The following CCSER1 variants were observed in gnomAD, a reference collection of about 807,000 sequenced individuals.
The protein encoded by CCSER1 is serine-rich coiled-coil domain-containing protein 1.
A neutral mutation model predicts 82.0 loss-of-function variants in CCSER1; 41 were observed. The ratio of observed to expected loss-of-function variants is 0.50; its 90% confidence interval spans 0.39 to 0.65. CCSER1 has a LOEUF of 0.65. Among genes scored for constraint, CCSER1 ranks in the 30% least tolerant of loss-of-function variants. The pLI is 0.00. For missense variants in CCSER1, 1,119 were observed against 1,064.2 expected (o/e 1.05, Z -0.72); for synonymous variants, 414 against 383.9 (o/e 1.08, Z -0.92).
chr4:90,210,154 TAA>T (rs1039999888), intron 1 of CCSER1, among the ~76,000 whole-genome samples: 31 of 152,308 alleles, frequency 2.0e-4, no homozygotes, highest in African/African-American at 7.2e-4. Flanking sequence ...GGTCTTTTGT[TAA>T]AAAGAAGGAA....
intron 1 of CCSER1, among the ~76,000 whole-genome samples, chr4:90,224,937 G>C (rs1196412974): frequency 6.6e-6 from 1 of 152,114 alleles, no homozygotes; most frequent in Non-Finnish European, 1.5e-5. Context: ...CAGTGGTTTA[G>C]TGTGCAGGCC....
At chr4:90,866,593 A>G (rs1561273272) in intron 8 of CCSER1, among the ~76,000 whole-genome samples, 1 of 152,098 alleles carries the variant, frequency 6.6e-6, no homozygotes, top group South Asian at 2.1e-4. Context: ...AATCCATAAC[A>G]TAAGAAATTT....
intron 10 of CCSER1, among the ~76,000 whole-genome samples, chr4:91,223,711 A>G (rs967239839): frequency 5.3e-5 from 8 of 152,218 alleles, no homozygotes; most frequent in Middle Eastern, 6.8e-3. Context: ...GAGACACATA[A>G]TGGATTTATT....
chr4:91,595,591 G>C (rs1764526540), intron 10 of CCSER1, among the ~76,000 whole-genome samples: 1 of 151,976 alleles, frequency 6.6e-6, no homozygotes, highest in Non-Finnish European at 1.5e-5. Flanking sequence ...AATCAAGGAG[G>C]TCATTAAATA....
intron 3 of CCSER1, among the ~76,000 whole-genome samples, chr4:90,322,832 C>A (rs1478868853): frequency 5.3e-5 from 8 of 152,148 alleles, no homozygotes; most frequent in Admixed American, 5.2e-4. Flanking sequence ...AATGTAAGTA[C>A]TTCCATTGCC....
chr4:90,661,309 T>C (rs1730731251), intron 6 of CCSER1, among the ~76,000 whole-genome samples: 1 of 152,208 alleles, frequency 6.6e-6, no homozygotes, highest in Non-Finnish European at 1.5e-5. Context: ...TGACCTTTAT[T>C]CGTTATCATA....
At chr4:90,918,315 A>G in intron 8 of CCSER1, 1 of 450,638 alleles carries the variant, frequency 2.2e-6, no homozygotes. Context: ...AAATTTCATC[A>G]ACTTTTATGT....
intron 8 of CCSER1, among the ~76,000 whole-genome samples, chr4:90,840,409 A>T (rs1366704846): frequency 1.3e-5 from 2 of 152,194 alleles, no homozygotes; most frequent in African/African-American, 4.8e-5. Flanking sequence ...CTATTTATGA[A>T]GTGCTGTGTG....
chr4:90,973,387 A>G (rs1393073574), intron 9 of CCSER1, among the ~76,000 whole-genome samples: 3 of 151,708 alleles, frequency 2.0e-5, no homozygotes, highest in African/African-American at 7.3e-5. Flanking sequence ...AAGATGTATG[A>G]AAGGCCAACT....
intron 1 of CCSER1, among the ~76,000 whole-genome samples, chr4:90,179,043 A>G (rs974548846): frequency 2.6e-5 from 4 of 152,128 alleles, no homozygotes; most frequent in Admixed American, 2.0e-4. Context: ...TGGTTTCTGG[A>G]GATCATCAGA....
At chr4:90,403,516 AAAAAG>A (rs1466854888) in intron 4 of CCSER1, among the ~76,000 whole-genome samples, 25 of 150,036 alleles carry the variant, frequency 1.7e-4, no homozygotes, top group African/African-American at 4.4e-4. Flanking sequence ...AAAAAAAAAA[AAAAAG>A]AAAAAAGACC....
chr4:90,770,331 A>G (rs192395093), intron 7 of CCSER1, among the ~76,000 whole-genome samples: 10 of 152,358 alleles, frequency 6.6e-5, no homozygotes, highest in Non-Finnish European at 1.5e-5. Flanking sequence ...TAGATAACTA[A>G]TACAGCACTC....
At chr4:90,782,701 T>TTTTA (rs1753956509) in intron 7 of CCSER1, among the ~76,000 whole-genome samples, 1 of 149,400 alleles carries the variant, frequency 6.7e-6, no homozygotes, top group African/African-American at 2.5e-5. Context: ...TTTTTTTTTT[T>TTTTA]GAGACAGTCT....
At chr4:91,228,255 T>C (rs1418071712) in intron 10 of CCSER1, among the ~76,000 whole-genome samples, 1 of 152,160 alleles carries the variant, frequency 6.6e-6, no homozygotes, top group Non-Finnish European at 1.5e-5. Context: ...TTCAGTGTTC[T>C]TGAAAACTAA....
At chr4:91,298,618 G>A (rs1255454440) in intron 10 of CCSER1, among the ~76,000 whole-genome samples, 1 of 151,876 alleles carries the variant, frequency 6.6e-6, no homozygotes, top group Non-Finnish European at 1.5e-5. Context: ...AACTAAGAAG[G>A]GCAAAATATT....
chr4:91,231,085 A>G (rs1245924285), intron 10 of CCSER1, among the ~76,000 whole-genome samples: 1 of 151,890 alleles, frequency 6.6e-6, no homozygotes, highest in Non-Finnish European at 1.5e-5. Context: ...TGATTTAGCT[A>G]CCATATTAAT....
At chr4:90,288,765 A>G (rs1388706191) in intron 1 of CCSER1, among the ~76,000 whole-genome samples, 1 of 151,966 alleles carries the variant, frequency 6.6e-6, no homozygotes, top group East Asian at 1.9e-4. Flanking sequence ...TTGTTTGAGA[A>G]GCTTCTGAGT....
intron 7 of CCSER1, chr4:90,780,821 A>G: frequency 2.8e-6 from 3 of 1,059,870 alleles, no homozygotes; most frequent in Non-Finnish European, 3.4e-6. Flanking sequence ...TTTAGAGACC[A>G]TAAACTGTCA....
chr4:91,234,280 A>G (rs1738837509), intron 10 of CCSER1, among the ~76,000 whole-genome samples: 1 of 152,006 alleles, frequency 6.6e-6, no homozygotes, highest in Non-Finnish European at 1.5e-5. Flanking sequence ...TTAAAATTCA[A>G]TCTTGCCATT....
Sources: gnomAD v4.1 joint callset for allele counts (sites outside exome capture counted in the v4.1 genomes callset) on GRCh38, gnomAD v4.1.1 for gene constraint, MANE v1.5 for transcripts, NCBI Gene and HGNC (gene_info 2026-07-23, HGNC 2026-07-21) for gene names.